FMOD: variants seen among roughly 807,000 people sequenced by gnomAD.
FMOD encodes fibromodulin.
A neutral mutation model predicts 27.0 loss-of-function variants in FMOD; 15 were observed. The observed-to-expected ratio is 0.55, with a 90% CI of 0.37 to 0.85. The LOEUF (loss-of-function observed/expected upper bound fraction) is 0.85. FMOD is among the 40% of genes least tolerant of loss of function. The pLI is 0.00. For synonymous variants in FMOD, 210 were observed against 214.0 expected, an observed-to-expected ratio of 0.98 and a Z score of 0.16; for missense variants, 460 against 483.2, an observed-to-expected ratio of 0.95 and a Z score of 0.45.
intron 2 of FMOD, among the ~76,000 whole-genome samples, chr1:203,344,753 A>G (rs752753920): frequency 3.3e-5 from 5 of 152,092 alleles, no homozygotes; most frequent in Non-Finnish European, 7.4e-5. Context: ...TTGCAGGGAG[A>G]TGTCCCTCAC....
At chr1:203,342,947 A>T (rs1658822675) in intron 2 of FMOD, among the ~76,000 whole-genome samples, 1 of 152,124 alleles carries the variant, frequency 6.6e-6, no homozygotes, top group East Asian at 1.9e-4. Context: ...AAATGGAGGG[A>T]CTTAATACTT....
Position 203,347,606 on chromosome 1 carries a change from A to G in FMOD, c.665T>C (p.Leu222Pro). 6.2e-7 allele frequency: 1 copy of G among 1,614,220 alleles called. No individual in the cohort carries two copies. ...CAGGTCCAGCAAGATCAGTGACCGGAGGCCCCTCATGGAACTGCCCACTTC... is the reference window on the plus strand; with the variant it reads ...CAGGTCCAGCAAGATCAGTGACCGGGGGCCCCTCATGGAACTGCCCACTTC... ...IQEVGSSMRGLRSLILLDLSY... is the reference protein window; with the variant it reads ...IQEVGSSMRGPRSLILLDLSY... Residue 222 changes from leucine to proline, a missense_variant, in exon 2 of 3, where the codon CTC becomes CCC. Coordinates refer to ENST00000354955, the MANE Select transcript of FMOD (RefSeq NM_002023.5).
intron 1 of FMOD, among the ~76,000 whole-genome samples, chr1:203,350,219 AG>A (rs1469772078): frequency 6.6e-6 from 1 of 152,182 alleles, no homozygotes; most frequent in Middle Eastern, 3.2e-3. Context: ...GGGTGCTGAA[AG>A]GGTTTGATGG....
At chr1:203,349,021 A>G (rs1158669878) in intron 1 of FMOD, among the ~76,000 whole-genome samples, 1 of 152,222 alleles carries the variant, frequency 6.6e-6, no homozygotes, top group Non-Finnish European at 1.5e-5. Flanking sequence ...TTCATGCAGC[A>G]GTTACAAATC....
rs184598037 is a variant in FMOD, at chr1:203,345,217, T to A, written c.979+2075A>T. 1.1e-4 allele frequency among the ~76,000 whole-genome samples: 16 copies of A among 152,294 alleles called. No individual in the cohort carries two copies. In the East Asian group the frequency reaches 3.1e-3, roughly 29 times the overall value. On this transcript the variant is annotated intron_variant, in intron 2 of 2. Transcript: ENST00000354955. ...TAGACACCGAAAATTTGGGGGTTGT[T>A]TGAACAGAGAATTTGTTTGCGGGAC...
chr1:203,344,037 T>C (rs945342618), intron 2 of FMOD, among the ~76,000 whole-genome samples: 2 of 152,054 alleles, frequency 1.3e-5, no homozygotes, highest in Non-Finnish European at 2.9e-5. Flanking sequence ...CCTGGTGGGG[T>C]AGAATTTCTG....
chr1:203,341,220 G>A lies in FMOD; in HGVS notation c.*1123C>T, dbSNP rs1658789629. The A allele has an allele frequency of 6.6e-6, 1 of 152,210 alleles. No homozygotes were observed. Among genetic ancestry groups the A allele is most frequent in the Admixed American group, 6.5e-5 (1 of 15,280 alleles). The allele number at this position is 152,210 out of a possible 1,614,324, so 9.4% of individuals were successfully genotyped here. On this transcript the variant is annotated 3_prime_UTR_variant, in exon 3 of 3. Coordinates refer to ENST00000354955, the MANE Select transcript of FMOD (RefSeq NM_002023.5). Reference sequence around the variant, plus strand: ...CTGGTACTTTTTAACTATGGCCTTAGGACAAACCAGGTGAAACAGATTAAC... The same window carrying A: ...CTGGTACTTTTTAACTATGGCCTTAAGACAAACCAGGTGAAACAGATTAAC...
intron 2 of FMOD, among the ~76,000 whole-genome samples, chr1:203,344,510 T>C (rs2102302124): frequency 6.6e-6 from 1 of 152,322 alleles, no homozygotes; most frequent in South Asian, 2.1e-4. Flanking sequence ...TTCCTACTGG[T>C]GTACCCGCCC....
At chr1:203,344,540 G>A (rs1189210238) in intron 2 of FMOD, among the ~76,000 whole-genome samples, 13 of 152,154 alleles carry the variant, frequency 8.5e-5, no homozygotes, top group Admixed American at 8.5e-4. Context: ...GAATCCCAAA[G>A]CTTCTGAATA....
chr1:203,347,387 A>C lies in FMOD; in HGVS notation c.884T>G (p.Leu295Arg). ...LASNTFNSSS[L>R]LELDLSYNQL... ...GTTGTAGGAGAGGTCTAGCTCAAGG[A>C]GGCTGCTGGAATTGAAGGTGTTGGA... The change falls in exon 2 of 3, where the codon CTC becomes CGC. Residue 295 changes from leucine to arginine, a missense_variant. Leu to Arg is a moderately radical substitution (Grantham distance 102). Coordinates refer to ENST00000354955, the MANE Select transcript of FMOD (RefSeq NM_002023.5). The C allele has an allele frequency of 6.2e-7, 1 of 1,614,126 alleles. No individual in the cohort carries two copies. The highest frequency in any genetic ancestry group is 8.5e-7 in the Non-Finnish European group (1 of 1,180,012).
intron 1 of FMOD, among the ~76,000 whole-genome samples, chr1:203,350,747 G>C (rs367843136): frequency 1.3e-5 from 2 of 152,180 alleles, no homozygotes; most frequent in South Asian, 2.1e-4. Context: ...ATGAGTAGCA[G>C]GGAAGAAGCT....
In FMOD at chr1:203,348,185, T is replaced by G. The variant is rs2102305004; in HGVS notation, c.86A>C (p.His29Pro). Residue 29 changes from histidine (H) to proline (P), a missense_variant, in exon 2 of 3, where the codon CAC becomes CCC. By Grantham distance (77) the His-to-Pro change is moderately conservative. Transcript: ENST00000354955. ...GGTGGACTGCTGGCTGCGGAGGTAG[T>G]GGAACCACCAATGAGGGTCATCTTC... ...QYEDDPHWWFHYLRSQQSTYY... is the reference protein window; with the variant it reads ...QYEDDPHWWFPYLRSQQSTYY... 1 of 1,614,068 alleles carries G rather than the reference T, an allele frequency of 6.2e-7. No individual in the cohort carries two copies. The highest frequency in any genetic ancestry group is 8.5e-7 in the Non-Finnish European group (1 of 1,179,988).
chr1:203,347,356 C>T lies in FMOD; in HGVS notation c.915G>A (p.Leu305=). ...TGGTGTTGACTGGGGGGATCTTCTG[C>T]AGCTGGTTGTAGGAGAGGTCTAGCT... The part of the protein sequence containing the change: ...LLELDLSYNQ[L]QKIPPVNTNL... Residue 305 remains leucine, a synonymous_variant, in exon 2 of 3, where the codon CTG becomes CTA. Transcript: ENST00000354955. The T allele has an allele frequency of 1.2e-6, 2 of 1,614,096 alleles. No homozygotes were observed. The highest frequency in any genetic ancestry group is 1.7e-6 in the Non-Finnish European group (2 of 1,180,014).
chr1:203,349,385 G>C (rs898030467), intron 1 of FMOD, among the ~76,000 whole-genome samples: 1 of 152,214 alleles, frequency 6.6e-6, no homozygotes, highest in Non-Finnish European at 1.5e-5. Flanking sequence ...GAAACCTGTT[G>C]CTTTTGAACC....
In FMOD at chr1:203,348,101, A is replaced by G; in HGVS notation, c.170T>C (p.Val57Ala). 6.2e-7 allele frequency: 1 copy of G among 1,614,010 alleles called. No individual in the cohort carries two copies. The highest frequency in any genetic ancestry group is 1.6e-4 in the Middle Eastern group (1 of 6,062). Residue 57 changes from valine (V) to alanine (A), a missense_variant, in exon 2 of 3, where the codon GTG (valine) becomes GCG (alanine). Val to Ala is a moderately conservative substitution (Grantham distance 64). Coordinates refer to ENST00000354955, the MANE Select transcript of FMOD (RefSeq NM_002023.5). The stretch of plus-strand genomic sequence containing the variant: ...GTAGGTGTAGGCTGGCCCTTCATCC[A>G]CCCCATAGGGGTAAGGCTCGTAGGT... ...YETYEPYPYG[V>A]DEGPAYTYGS... is the part of the protein sequence containing the mutation.
chr1:203,343,662 C>T (rs184888811), intron 2 of FMOD, among the ~76,000 whole-genome samples: 3 of 152,204 alleles, frequency 2.0e-5, no homozygotes, highest in Non-Finnish European at 4.4e-5. Context: ...CATCGGCTTG[C>T]AGCAGTGGTC....
At chr1:203,345,476 G>A (rs1032463850) in intron 2 of FMOD, among the ~76,000 whole-genome samples, 11 of 152,242 alleles carry the variant, frequency 7.2e-5, no homozygotes, top group African/African-American at 2.2e-4. Context: ...ATGAAGCACA[G>A]CATACGTGTG....
chr1:203,349,761 T>G (rs1427490433), intron 1 of FMOD, among the ~76,000 whole-genome samples: 2 of 152,034 alleles, frequency 1.3e-5, no homozygotes, highest in Non-Finnish European at 2.9e-5. Flanking sequence ...CTCAACAGAG[T>G]TACCTCCTGA....
chr1:203,348,838 G>T (rs1253368608), intron 1 of FMOD, among the ~76,000 whole-genome samples: 1 of 152,234 alleles, frequency 6.6e-6, no homozygotes, highest in Non-Finnish European at 1.5e-5. Flanking sequence ...GGTCTCTTGG[G>T]CAGGCTGGGA....
Sources: allele counts gnomAD v4.1 joint callset (sites outside exome capture counted in the v4.1 genomes callset), GRCh38; gene constraint gnomAD v4.1.1; transcripts MANE v1.5; gene names NCBI Gene and HGNC (gene_info 2026-07-23, HGNC 2026-07-21).